RFX3: variants seen among roughly 807,000 people sequenced by gnomAD.
RFX3 encodes transcription factor RFX3.
A neutral mutation model predicts 98.6 loss-of-function variants in RFX3; 14 were observed. The observed-to-expected ratio is 0.14, with a 90% confidence interval of 0.09 to 0.22. The LOEUF is 0.22. Among genes scored for constraint, RFX3 ranks in the 10% least tolerant of loss-of-function variants. The pLI is 1.00. For missense variants in RFX3, 639 were observed against 926.9 expected (o/e 0.69, Z 4.03); for synonymous variants, 383 against 328.4 (o/e 1.17, Z -1.80).
In RFX3 at chr9:3,293,474, C is replaced by T. The variant is rs995226596; in HGVS notation, c.550-216G>A. On this transcript the variant is annotated intron_variant, in intron 5 of 16. Coordinates refer to ENST00000617270, the MANE Select transcript of RFX3 (RefSeq NM_001282116.2). Reference sequence around the variant, plus strand: ...CATCACTAAGGATCTCAGACAATATCCATTTCTTCAAATATTCAAGCACAC... The same window carrying T: ...CATCACTAAGGATCTCAGACAATATTCATTTCTTCAAATATTCAAGCACAC... Among the ~76,000 whole-genome samples, 10 of 152,122 alleles carry T rather than the reference C, an allele frequency of 6.6e-5. No individual in the cohort carries two copies. The East Asian group carries it at 1.9e-3, about 29-fold the overall frequency.
intron 16 of RFX3, among the ~76,000 whole-genome samples, chr9:3,225,676 A>C (rs963998731): frequency 6.6e-6 from 1 of 150,928 alleles, no homozygotes; most frequent in Non-Finnish European, 1.5e-5. Context: ...ACACAAAAAA[A>C]GTGTTGTTTC....
intron 1 of RFX3, among the ~76,000 whole-genome samples, chr9:3,399,792 T>C (rs897434777): frequency 1.3e-5 from 2 of 150,996 alleles, no homozygotes; most frequent in Non-Finnish European, 3.0e-5. Flanking sequence ...TCTACTAAAA[T>C]ACAAAAATTA....
At chr9:3,291,466 C>A (rs1827347539) in intron 6 of RFX3, among the ~76,000 whole-genome samples, 1 of 151,938 alleles carries the variant, frequency 6.6e-6, no homozygotes, top group Non-Finnish European at 1.5e-5. Context: ...CAGATTAGAA[C>A]CATTAGATCA....
intron 1 of RFX3, among the ~76,000 whole-genome samples, chr9:3,420,566 G>C (rs957723366): frequency 3.3e-5 from 5 of 152,100 alleles, no homozygotes; most frequent in Non-Finnish European, 7.4e-5. Flanking sequence ...CTTGTCTAAG[G>C]TCATTTTAAG....
chr9:3,267,952 T>C (rs531686482), intron 11 of RFX3, among the ~76,000 whole-genome samples: 85 of 152,012 alleles, frequency 5.6e-4, no homozygotes, highest in African/African-American at 1.9e-3. Context: ...AATATTACTT[T>C]AAAAATATTT....
chr9:3,319,022 A>C (rs759420265), intron 4 of RFX3, among the ~76,000 whole-genome samples: 2 of 152,244 alleles, frequency 1.3e-5, no homozygotes, highest in Non-Finnish European at 2.9e-5. Context: ...TGGGAGTTGG[A>C]ATTACCCCTC....
intron 1 of RFX3, among the ~76,000 whole-genome samples, chr9:3,407,749 C>T (rs991421622): frequency 1.3e-5 from 2 of 152,098 alleles, no homozygotes; most frequent in African/African-American, 2.4e-5. Context: ...AGATCATCCT[C>T]TAAAAAATAT....
In RFX3 at chr9:3,472,028, G is replaced by A. The variant is rs528911668; in HGVS notation, c.-9+53719C>T. Among the ~76,000 whole-genome samples the A allele has an allele frequency of 2.6e-3, 390 of 152,338 alleles. 1 individual carries two copies. Among genetic ancestry groups the A allele is most frequent in the African/African-American group, 9.1e-3 (380 of 41,566 alleles). On this transcript the variant is annotated intron_variant, in intron 1 of 16. Transcript: ENST00000617270. ...CCTGATGAGGTCCTGGGACACAGAA[G>A]GGTCTTTTTTTGGACTTTATCAGTC...
chr9:3,399,737 G>C (rs950071167), intron 1 of RFX3, among the ~76,000 whole-genome samples: 10 of 151,960 alleles, frequency 6.6e-5, no homozygotes, highest in African/African-American at 2.4e-4. Context: ...AGATCTCGAG[G>C]TCAGGAGTTT....
chr9:3,463,866 CAG>C (rs1847953243), intron 1 of RFX3, among the ~76,000 whole-genome samples: 1 of 151,964 alleles, frequency 6.6e-6, no homozygotes, highest in South Asian at 2.1e-4. Context: ...CCCAGCTCCT[CAG>C]AGGGTGAGGT....
At chr9:3,313,612 C>T (rs1189395679) in intron 4 of RFX3, among the ~76,000 whole-genome samples, 1 of 152,100 alleles carries the variant, frequency 6.6e-6, no homozygotes, top group African/African-American at 2.4e-5. Flanking sequence ...CACAAAGAAG[C>T]TAAAAACCTT....
intron 1 of RFX3, among the ~76,000 whole-genome samples, chr9:3,462,742 T>C (rs1847809828): frequency 6.6e-6 from 1 of 152,116 alleles, no homozygotes; most frequent in Admixed American, 6.5e-5. Context: ...CATACTTCAA[T>C]ACTAGTCATA....
chr9:3,486,282 T>G (rs1850269038), intron 1 of RFX3, among the ~76,000 whole-genome samples: 1 of 152,138 alleles, frequency 6.6e-6, no homozygotes, highest in Admixed American at 6.5e-5. Flanking sequence ...GGGACTGTCT[T>G]TTTTATGACA....
At chr9:3,366,448 T>TTAAA (rs1266353097) in intron 2 of RFX3, among the ~76,000 whole-genome samples, 7 of 152,204 alleles carry the variant, frequency 4.6e-5, no homozygotes, top group African/African-American at 1.7e-4. Context: ...GAAGCTTAAC[T>TTAAA]TATTTAACTA....
At chr9:3,242,024 C>T (rs1342343918) in intron 15 of RFX3, among the ~76,000 whole-genome samples, 1 of 152,170 alleles carries the variant, frequency 6.6e-6, no homozygotes, top group Non-Finnish European at 1.5e-5. Context: ...GGGAGTTGCA[C>T]ATAATCCCTA....
chr9:3,419,342 T>C (rs891455778), intron 1 of RFX3, among the ~76,000 whole-genome samples: 2 of 152,234 alleles, frequency 1.3e-5, no homozygotes, highest in African/African-American at 4.8e-5. Flanking sequence ...ATTTTTTCTT[T>C]AATTAAAATA....
chr9:3,406,376 G>A (rs1055980427), intron 1 of RFX3, among the ~76,000 whole-genome samples: 3 of 151,838 alleles, frequency 2.0e-5, no homozygotes, highest in Non-Finnish European at 4.4e-5. Context: ...ACTTTCCCGT[G>A]ATAGCTTCCC....
chr9:3,492,784 C>A, intron 1 of RFX3, among the ~76,000 whole-genome samples: 1 of 152,166 alleles, frequency 6.6e-6, no homozygotes, highest in East Asian at 1.9e-4. Flanking sequence ...TCTGAGAATT[C>A]TAAGTGGTCA....
In RFX3 at chr9:3,430,825, C is replaced by T. The variant is rs1430297532; in HGVS notation, c.-8-35229G>A. On this transcript the variant is annotated intron_variant, in intron 1 of 16. Transcript: ENST00000617270. Reference sequence around the variant, plus strand: ...AAAAATCACATAAAGAATGAGTCCCCCAGAAATATCAAAAAATTAAGATGA... The same window carrying T: ...AAAAATCACATAAAGAATGAGTCCCTCAGAAATATCAAAAAATTAAGATGA... 6.0e-5 allele frequency among the ~76,000 whole-genome samples: 9 copies of T among 151,144 alleles called. No homozygotes were observed. In the East Asian group the frequency reaches 1.5e-3, roughly 26 times the overall value.
Sources: allele counts gnomAD v4.1 joint callset (sites outside exome capture counted in the v4.1 genomes callset), GRCh38; gene constraint gnomAD v4.1.1; transcripts MANE v1.5; gene names NCBI Gene and HGNC (gene_info 2026-07-23, HGNC 2026-07-21).